The following DPYD variants were observed in gnomAD, a reference collection of about 807,000 sequenced individuals.
DPYD encodes the protein dihydropyrimidine dehydrogenase [NADP(+)].
In DPYD, 109 loss-of-function variants were observed where a neutral mutation model predicts 116.2. The ratio of observed to expected loss-of-function variants is 0.94; its 90% CI spans 0.80 to 1.10. DPYD has a LOEUF of 1.10. DPYD is among the 50% of genes least tolerant of loss of function. DPYD has a pLI of 0.00. For missense variants in DPYD, 1,302 were observed against 1,254.5 expected (o/e 1.04, Z -0.57); for synonymous variants, 440 against 432.0 (o/e 1.02, Z -0.23).
intron 12 of DPYD, among the ~76,000 whole-genome samples, chr1:97,545,027 A>G (rs2102067162): frequency 6.6e-6 from 1 of 152,236 alleles, no homozygotes; most frequent in East Asian, 1.9e-4. Flanking sequence ...TCAAAATTAT[A>G]ACTCCACACA....
At chr1:97,527,398 C>G (rs980347439) in intron 12 of DPYD, among the ~76,000 whole-genome samples, 2 of 152,054 alleles carry the variant, frequency 1.3e-5, no homozygotes, top group African/African-American at 4.8e-5. Context: ...CTTACATAAA[C>G]ATGAATTTTC....
rs532011726 is a variant in DPYD at position 97,118,523 on chromosome 1, G to A, written c.2623-19891C>T. On this transcript the variant is annotated intron_variant, in intron 20 of 22. Coordinates refer to ENST00000370192, the MANE Select transcript of DPYD (RefSeq NM_000110.4). ...GGCTTCTGCATGGGGCAGGAACTGA[G>A]GAGGGCATCAAAAAAACATGGTTCA... Among the ~76,000 whole-genome samples the A allele has an allele frequency of 1.6e-3, 251 of 152,254 alleles. 1 individual carries two copies. The highest frequency in any genetic ancestry group is 4.6e-3 in the Admixed American group (71 of 15,282).
At chr1:97,752,290 T>TCACACACACACACACA (rs146577982) in intron 3 of DPYD, among the ~76,000 whole-genome samples, 1 of 145,862 alleles carries the variant, frequency 6.9e-6, no homozygotes, top group Admixed American at 6.9e-5. Context: ...TAAACCTACT[T>TCACACACACACACACA]CACACACACA....
At chr1:97,194,199 T>C (rs187248254) in intron 19 of DPYD, among the ~76,000 whole-genome samples, 1 of 152,302 alleles carries the variant, frequency 6.6e-6, no homozygotes, top group Admixed American at 6.5e-5. Flanking sequence ...TCTTGAATTG[T>C]AGTTCCCATA....
At chr1:97,785,818 T>C (rs1036135295) in intron 3 of DPYD, among the ~76,000 whole-genome samples, 4 of 149,440 alleles carry the variant, frequency 2.7e-5, no homozygotes, top group African/African-American at 9.9e-5. Flanking sequence ...TCAGCCTCCC[T>C]AGTAGCTGGG....
intron 3 of DPYD, among the ~76,000 whole-genome samples, chr1:97,788,115 G>A (rs1310035720): frequency 6.6e-6 from 1 of 152,184 alleles, no homozygotes; most frequent in Non-Finnish European, 1.5e-5. Flanking sequence ...AGCAATCCAT[G>A]AGGTATGTGC....
intron 19 of DPYD, 102 bp downstream of exon 19, chr1:97,234,750 T>C (rs1661792149): frequency 6.8e-7 from 1 of 1,468,464 alleles, no homozygotes; most frequent in East Asian, 2.4e-5. Context: ...GGCCTCCTTT[T>C]CAAGAGGCCC....
At chr1:97,678,504 T>A (rs1387513207) in intron 8 of DPYD, among the ~76,000 whole-genome samples, 1 of 152,140 alleles carries the variant, frequency 6.6e-6, no homozygotes, top group Middle Eastern at 3.2e-3. Flanking sequence ...TTCTCTCTGG[T>A]CTCTCAGTAA....
intron 12 of DPYD, among the ~76,000 whole-genome samples, chr1:97,539,291 C>A (rs956915227): frequency 1.3e-5 from 2 of 152,074 alleles, no homozygotes; most frequent in Admixed American, 6.5e-5. Context: ...ACGCCTCCTT[C>A]CTTACACTTT....
Position 97,721,957 on chromosome 1 carries a change from A to G in DPYD, c.322-286T>C, listed in dbSNP as rs1376916592. Among the ~76,000 whole-genome samples the G allele has an allele frequency of 2.6e-5, 4 of 151,740 alleles. No individual in the cohort carries two copies. The East Asian group carries it at 7.7e-4, about 29-fold the overall frequency. On this transcript the variant is annotated intron_variant, in intron 4 of 22. Coordinates refer to ENST00000370192, the MANE Select transcript of DPYD (RefSeq NM_000110.4). ...AATGTTCTGTAAATGGTTTTCATTT[A>G]CAAGTCATCTAACTATATCTTGTCA...
intron 19 of DPYD, among the ~76,000 whole-genome samples, chr1:97,233,298 T>C (rs2100742356): frequency 6.6e-6 from 1 of 152,248 alleles, no homozygotes; most frequent in Admixed American, 6.5e-5. Context: ...AGAGTGGCCT[T>C]ATTACCACAC....
chr1:97,126,422 T>C (rs974532673), intron 20 of DPYD, among the ~76,000 whole-genome samples: 1 of 152,134 alleles, frequency 6.6e-6, no homozygotes, highest in Non-Finnish European at 1.5e-5. Context: ...CTCAAGCTTG[T>C]ACCAAATCAA....
intron 8 of DPYD, among the ~76,000 whole-genome samples, chr1:97,640,763 C>T (rs1657844509): frequency 1.3e-5 from 2 of 152,054 alleles, no homozygotes; most frequent in Non-Finnish European, 2.9e-5. Context: ...GAAGTTCCTG[C>T]CCCTTTACAC....
At chr1:97,362,136 C>T (rs1198825130) in intron 16 of DPYD, among the ~76,000 whole-genome samples, 1 of 152,192 alleles carries the variant, frequency 6.6e-6, no homozygotes, top group African/African-American at 2.4e-5. Context: ...GTGCAAAAAT[C>T]ACAAGCATTC....
intron 13 of DPYD, among the ~76,000 whole-genome samples, chr1:97,469,874 G>C (rs1478614908): frequency 6.6e-6 from 1 of 152,194 alleles, no homozygotes; most frequent in African/African-American, 2.4e-5. Context: ...GGAGGATACA[G>C]GCTAGAGAAA....
rs1247124183 is a variant in DPYD at position 97,549,485 on chromosome 1, T to C, written c.1524+75A>G. On this transcript the variant is annotated intron_variant, in intron 12 of 22. Coordinates refer to ENST00000370192, the MANE Select transcript of DPYD (RefSeq NM_000110.4). ...TATATACCAAATAGAAATGCTCTTA[T>C]AGATGAGTATCAAAAATAAATGAAG... 8.2e-6 allele frequency: 12 copies of C among 1,471,236 alleles called. No homozygotes were observed. The highest frequency in any genetic ancestry group is 5.6e-5 in the African/African-American group (4 of 71,786). 91.1% of individuals were successfully genotyped at this position (1,471,236 alleles called of 1,614,324 possible). A position where few individuals can be genotyped will look rare whatever the true frequency, so the allele number is the denominator to read the frequency against.
intron 12 of DPYD, among the ~76,000 whole-genome samples, chr1:97,525,294 T>C (rs759348452): frequency 6.6e-6 from 1 of 152,022 alleles, no homozygotes; most frequent in Non-Finnish European, 1.5e-5. Flanking sequence ...TCAAAACTCA[T>C]CAAATGGTAT....
intron 8 of DPYD, among the ~76,000 whole-genome samples, chr1:97,672,806 C>A (rs145622560): frequency 6.7e-4 from 102 of 152,006 alleles, no homozygotes; most frequent in African/African-American, 2.3e-3. Context: ...AACTAAAGGC[C>A]ACTCTGTAGC....
chr1:97,536,497 G>A (rs1046944072), intron 12 of DPYD, among the ~76,000 whole-genome samples: 1 of 152,192 alleles, frequency 6.6e-6, no homozygotes, highest in Non-Finnish European at 1.5e-5. Flanking sequence ...AGAAGAAGAA[G>A]TCAGCTCTGT....
Sources: allele counts gnomAD v4.1 joint callset (sites outside exome capture counted in the v4.1 genomes callset), GRCh38; gene constraint gnomAD v4.1.1; transcripts MANE v1.5; gene names NCBI Gene and HGNC (gene_info 2026-07-23, HGNC 2026-07-21).